Variants in PGAP4 observed in about 807,000 individuals in gnomAD.
The protein encoded by PGAP4 is post-GPI attachment to proteins GalNAc transferase 4.
Under a neutral mutation model 28.2 loss-of-function variants are expected in PGAP4, and 12 were observed. That is an observed-to-expected ratio of 0.42 (90% CI 0.27 to 0.69). The LOEUF is 0.69. PGAP4 is among the 30% of genes least tolerant of loss of function. PGAP4 has a pLI of 0.22. For synonymous variants in PGAP4, 205 were observed against 211.8 expected, an observed-to-expected ratio of 0.97 and a Z score of 0.28; for missense variants, 425 against 513.5, an observed-to-expected ratio of 0.83 and a Z score of 1.67.
intron 2 of PGAP4, among the ~76,000 whole-genome samples, chr9:101,522,301 G>T (rs1273478452): frequency 6.6e-6 from 1 of 152,132 alleles, no homozygotes; most frequent in East Asian, 1.9e-4. Flanking sequence ...GTCTAGTGCT[G>T]TCAGTGGAGT....
At chr9:101,515,555 A>G (rs1053133277) in intron 2 of PGAP4, among the ~76,000 whole-genome samples, 6 of 152,202 alleles carry the variant, frequency 3.9e-5, no homozygotes, top group South Asian at 2.1e-4. Context: ...ATGGTAATGC[A>G]GGACTAAAAA....
rs1243134600 is a variant in PGAP4, at chr9:101,525,230, T to G, written c.-165+6118A>C. ...AGCCCTCTCTTTAAATAGCTAGGTT[T>G]GTGCTTGCTATTTAGTTTACATATT... On this transcript the variant is annotated intron_variant, in intron 2 of 3. Coordinates refer to the PGAP4 transcript ENST00000374851. Among the ~76,000 whole-genome samples, 3 of 152,334 alleles carry G rather than the reference T, an allele frequency of 2.0e-5. No individual in the cohort carries two copies. The East Asian group carries it at 5.8e-4, about 29-fold the overall frequency.
intron 2 of PGAP4, among the ~76,000 whole-genome samples, chr9:101,503,404 A>G (rs1826820268): frequency 6.6e-6 from 1 of 152,050 alleles, no homozygotes; most frequent in Admixed American, 6.6e-5. Flanking sequence ...AAACAATCCA[A>G]TATGGATTAT....
intron 2 of PGAP4, among the ~76,000 whole-genome samples, chr9:101,510,026 G>A (rs1826882063): frequency 6.6e-6 from 1 of 152,158 alleles, no homozygotes; most frequent in African/African-American, 2.4e-5. Context: ...AAAATATAGT[G>A]CACAAAAACA....
intron 2 of PGAP4, among the ~76,000 whole-genome samples, chr9:101,510,007 T>A (rs1233301586): frequency 1.3e-5 from 2 of 152,190 alleles, no homozygotes; most frequent in African/African-American, 4.8e-5. Context: ...CTCATGCACA[T>A]CCTCCTGAAA....
intron 1 of PGAP4, among the ~76,000 whole-genome samples, chr9:101,532,462 C>T (rs916692339): frequency 2.3e-4 from 35 of 152,106 alleles, no homozygotes; most frequent in African/African-American, 8.2e-4. Flanking sequence ...TTTTTAACCA[C>T]GCAGGACAGC....
intron 2 of PGAP4, among the ~76,000 whole-genome samples, chr9:101,494,529 A>T (rs7866755): frequency 0.83 from 125,542 of 151,682 alleles, 52,466 homozygotes; most frequent in African/African-American, 0.94. Flanking sequence ...CAATTTCATG[A>T]AATTAAATTT....
At chr9:101,502,007 CA>C (rs1826806541) in intron 2 of PGAP4, 1 of 221,208 alleles carries the variant, frequency 4.5e-6, no homozygotes, top group African/African-American at 2.3e-5. Context: ...ACAGATAAAA[CA>C]AGGTTTTCCT....
intron 1 of PGAP4, chr9:101,480,819 TGCACAGTA>T (rs1826463962): frequency 6.6e-6 from 1 of 152,244 alleles, no homozygotes; most frequent in Non-Finnish European, 1.5e-5. Flanking sequence ...AACCAATTGT[TGCACAGTA>T]GCCTGTGGTG....
chr9:101,499,409 G>GA (rs780619961), intron 2 of PGAP4, among the ~76,000 whole-genome samples: 133 of 146,872 alleles, frequency 9.1e-4, no homozygotes, highest in African/African-American at 2.8e-3. Context: ...CTCTCAAAAA[G>GA]AAAAAAAAAT....
intron 2 of PGAP4, among the ~76,000 whole-genome samples, chr9:101,506,466 C>G (rs1826849704): frequency 6.6e-6 from 1 of 152,044 alleles, no homozygotes; most frequent in Non-Finnish European, 1.5e-5. Flanking sequence ...TGTAACACAA[C>G]TCTGGTCAAG....
chr9:101,498,485 A>G (rs1826770594), intron 2 of PGAP4, among the ~76,000 whole-genome samples: 1 of 150,888 alleles, frequency 6.6e-6, no homozygotes, highest in Non-Finnish European at 1.5e-5. Flanking sequence ...TTAATATGGT[A>G]GCCCTTTAAG....
intron 2 of PGAP4, among the ~76,000 whole-genome samples, chr9:101,513,090 AC>A (rs1826910670): frequency 6.6e-6 from 1 of 152,180 alleles, no homozygotes; most frequent in African/African-American, 2.4e-5. Context: ...AGAAATTTTA[AC>A]CCTTACTTTG....
chr9:101,507,571 G>T (rs1326204733), intron 2 of PGAP4, among the ~76,000 whole-genome samples: 1 of 151,932 alleles, frequency 6.6e-6, no homozygotes, highest in Non-Finnish European at 1.5e-5. Context: ...CCCTTCCTTG[G>T]GAAGAAAAAA....
intron 1 of PGAP4, among the ~76,000 whole-genome samples, chr9:101,483,025 T>C (rs1195811960): frequency 6.6e-6 from 1 of 152,240 alleles, no homozygotes; most frequent in African/African-American, 2.4e-5. Context: ...AGGACAAGGA[T>C]AAATTTCAAA....
At chr9:101,491,812 G>GATATAT (rs58209077), upstream of PGAP4, among the ~76,000 whole-genome samples, 10,427 of 105,138 alleles carry the variant, frequency 0.099, 657 homozygotes, top group African/African-American at 0.12. Context: ...AATCTTAAAG[G>GATATAT]ATATATATAT....
chr9:101,506,562 C>T (rs781261067), intron 2 of PGAP4, among the ~76,000 whole-genome samples: 2 of 152,152 alleles, frequency 1.3e-5, no homozygotes, highest in Admixed American at 6.5e-5. Context: ...TTTCCTGACT[C>T]ACCTGAGCCA....
Position 101,479,315 on chromosome 9 carries a change from A to G in PGAP4, c.-77-2146T>C, listed in dbSNP as rs575716615. Among the ~76,000 whole-genome samples, 4 of 152,332 alleles carry G rather than the reference A, an allele frequency of 2.6e-5. 1 individual carries two copies. In the South Asian group the frequency reaches 8.3e-4, roughly 32 times the overall value. On this transcript the variant is annotated intron_variant, in intron 1 of 1. Coordinates refer to ENST00000374848, the MANE Select transcript of PGAP4 (RefSeq NM_032342.3). Reference sequence around the variant, plus strand: ...CCTGCAGTATTGGCCTTGGAAAAGGAGGCATTCGAGTGGATTTCTGCTCAT... The same window carrying G: ...CCTGCAGTATTGGCCTTGGAAAAGGGGGCATTCGAGTGGATTTCTGCTCAT...
In PGAP4 at chr9:101,476,400, G is replaced by A. The variant is rs756188298; in HGVS notation, c.693C>T (p.Arg231=). 2 of 1,614,130 alleles carry A rather than the reference G, an allele frequency of 1.2e-6. No individual in the cohort carries two copies. Among genetic ancestry groups the A allele is most frequent in the Non-Finnish European group, 1.7e-6 (2 of 1,180,028 alleles). Residue 231 remains arginine, a synonymous_variant, in exon 2 of 2, where the codon CGC becomes CGT. Coordinates refer to ENST00000374848, the MANE Select transcript of PGAP4 (RefSeq NM_032342.3). This position sits in a 1 kb window ranked among gnomAD's most constrained non-coding sequence, Gnocchi z 7.0. Reference sequence around the variant, plus strand: ...CATCTCTGAGATGTGGCTCAGAGAAGCGAGCCCGCAGAAGGTGCTCCAAGA... The same window carrying A: ...CATCTCTGAGATGTGGCTCAGAGAAACGAGCCCGCAGAAGGTGCTCCAAGA... ...FPVLEHLLRA[R]FSEPHLRDAL... is the part of the protein sequence containing the mutation.
Sources: gnomAD v4.1 joint callset for allele counts (sites outside exome capture counted in the v4.1 genomes callset) on GRCh38, gnomAD v4.1.1 for gene constraint, Gnocchi (gnomAD v3.1) non-coding constraint, MANE v1.5 for transcripts, NCBI Gene and HGNC (gene_info 2026-07-23, HGNC 2026-07-21) for gene names.